Variants in GALNTL5 observed in about 807,000 individuals in gnomAD.
The protein encoded by GALNTL5 is inactive polypeptide N-acetylgalactosaminyltransferase-like protein 5.
Under a neutral mutation model 51.0 loss-of-function variants are expected in GALNTL5, and 44 were observed. That is an observed-to-expected ratio of 0.86 (90% CI 0.68 to 1.11). The LOEUF (loss-of-function observed/expected upper bound fraction) is 1.11, where lower values mean the gene tolerates loss of function less well. GALNTL5 is among the 50% of genes least tolerant of loss of function. GALNTL5 has a pLI of 0.00. For missense variants in GALNTL5, 528 were observed against 531.8 expected (o/e 0.99, Z 0.07); for synonymous variants, 192 against 182.8 (o/e 1.05, Z -0.41).
chr7:151,996,456 C>G (rs188488623), intron 5 of GALNTL5, among the ~76,000 whole-genome samples: 4 of 151,694 alleles, frequency 2.6e-5, no homozygotes, highest in Admixed American at 2.6e-4. Flanking sequence ...ACAGCAATAA[C>G]AGGCTGGGTG....
chr7:151,980,821 C>T (rs1283081208), intron 3 of GALNTL5, among the ~76,000 whole-genome samples: 1 of 134,464 alleles, frequency 7.4e-6, no homozygotes, highest in African/African-American at 3.0e-5. Context: ...TCTCGGCTCA[C>T]TGCAAGCTCC....
chr7:151,957,087 T>A lies in GALNTL5; in HGVS notation c.-40+478T>A, dbSNP rs541246129. Among the ~76,000 whole-genome samples, 7 of 146,860 alleles carry A rather than the reference T, an allele frequency of 4.8e-5. No homozygotes were observed. The East Asian group carries it at 1.4e-3, about 29-fold the overall frequency. On this transcript the variant is annotated intron_variant, in intron 1 of 8. Coordinates refer to ENST00000392800, the MANE Select transcript of GALNTL5 (RefSeq NM_145292.4). ...CTGGGAGGCTAAGGTGGCAGGACCA[T>A]GTGAGTCCAGGAGTTCAAGATCAGC...
intron 5 of GALNTL5, among the ~76,000 whole-genome samples, chr7:151,998,727 A>G (rs1042317602): frequency 6.7e-6 from 1 of 148,322 alleles, no homozygotes; most frequent in Non-Finnish European, 1.5e-5. Flanking sequence ...AGCTGAGATC[A>G]TGCTACTGCA....
chr7:152,002,638 C>T, intron 5 of GALNTL5, 76 bp from the exon 6 acceptor site: 4 of 1,486,202 alleles, frequency 2.7e-6, no homozygotes, highest in Non-Finnish European at 3.7e-6. Context: ...AAATATTCAT[C>T]ACATTGAACT....
chr7:152,013,144 T>C (rs2081761035), intron 7 of GALNTL5, among the ~76,000 whole-genome samples: 1 of 152,038 alleles, frequency 6.6e-6, no homozygotes, highest in Admixed American at 6.6e-5. Flanking sequence ...GAGCTAAACA[T>C]TGTACATGGA....
chr7:151,982,071 C>A (rs62479999), intron 3 of GALNTL5, among the ~76,000 whole-genome samples: 16,357 of 151,884 alleles, frequency 0.11, 1,054 homozygotes, highest in South Asian at 0.23. Context: ...ACTAGAATTC[C>A]AGAATTCAGC....
chr7:151,974,681 T>G (rs1195209517), intron 3 of GALNTL5, among the ~76,000 whole-genome samples: 4 of 151,716 alleles, frequency 2.6e-5, no homozygotes, highest in African/African-American at 9.7e-5. Context: ...TTCACTGAAC[T>G]GAATATTTAC....
chr7:151,958,045 T>TC (rs761380621), intron 1 of GALNTL5, among the ~76,000 whole-genome samples: 1 of 152,088 alleles, frequency 6.6e-6, no homozygotes, highest in Non-Finnish European at 1.5e-5. Flanking sequence ...TAAAGAGAAT[T>TC]CCCCCCAAGT....
chr7:151,987,616 G>C (rs929702697), intron 5 of GALNTL5, among the ~76,000 whole-genome samples: 7 of 151,516 alleles, frequency 4.6e-5, no homozygotes, highest in African/African-American at 1.5e-4. Flanking sequence ...AGCAAGACTG[G>C]GGGTGGGGTG....
Position 152,019,862 on chromosome 7 carries a change from T to C in GALNTL5, c.*61T>C. The C allele has an allele frequency of 7.1e-7, 1 of 1,405,310 alleles. No individual in the cohort carries two copies. Among genetic ancestry groups the C allele is most frequent in the Non-Finnish European group, 9.8e-7 (1 of 1,018,896 alleles). 87.1% of individuals were successfully genotyped at this position (1,405,310 alleles called of 1,614,324 possible). ...AAAGTCTCCTAGTCATTCAACATAG[T>C]GTCACAAGAGTGTAAGTTTGGAACA... is the stretch of plus-strand genomic sequence containing the variant. On this transcript the variant is annotated 3_prime_UTR_variant, in exon 9 of 9. Coordinates refer to ENST00000392800, the MANE Select transcript of GALNTL5 (RefSeq NM_145292.4).
rs757796829 is a variant in GALNTL5 at position 151,971,067 on chromosome 7, T to A, written c.368+2T>A. On this transcript the variant is annotated splice_donor_variant, in intron 3 of 8. Coordinates refer to ENST00000392800, the MANE Select transcript of GALNTL5 (RefSeq NM_145292.4). LOFTEE classifies it high-confidence loss of function. ...AGTGCCAGATACCAGGAGTAAAATG[T>A]ATGTTGTCTCTCTCTTTCTCTCATT... The A allele has an allele frequency of 3.1e-5, 49 of 1,605,338 alleles. No individual in the cohort carries two copies. The highest frequency in any genetic ancestry group is 1.7e-4 in the Middle Eastern group (1 of 6,024).
intron 7 of GALNTL5, among the ~76,000 whole-genome samples, chr7:152,009,270 C>T (rs999351468): frequency 2.0e-5 from 3 of 152,156 alleles, no homozygotes; most frequent in East Asian, 1.9e-4. Context: ...TCCAGTAAAT[C>T]GATATCCTGG....
In GALNTL5 at chr7:151,992,494, G is replaced by A. The variant is rs566010263; in HGVS notation, c.658+5213G>A. ...GCTTCTGGCCGTGGCTGCCAGTCCC[G>A]GGCTGCAGCGGCGTCACCCTCGGCT... On this transcript the variant is annotated intron_variant, in intron 5 of 8. Transcript: ENST00000392800. 7.4e-4 allele frequency among the ~76,000 whole-genome samples: 112 copies of A among 152,202 alleles called. 1 individual carries two copies. Among genetic ancestry groups the A allele is most frequent in the African/African-American group, 2.5e-3 (102 of 41,534 alleles).
intron 4 of GALNTL5, among the ~76,000 whole-genome samples, chr7:151,984,872 C>G (rs1446593291): frequency 6.6e-6 from 1 of 152,162 alleles, no homozygotes; most frequent in Non-Finnish European, 1.5e-5. Flanking sequence ...CAGGAATGAC[C>G]AGGGGACGGA....
intron 6 of GALNTL5, among the ~76,000 whole-genome samples, chr7:152,007,339 T>C (rs1256680469): frequency 6.6e-6 from 1 of 152,032 alleles, no homozygotes; most frequent in Non-Finnish European, 1.5e-5. Context: ...AGTTATTGCC[T>C]ACTTTTGTTG....
intron 3 of GALNTL5, among the ~76,000 whole-genome samples, chr7:151,980,988 G>A (rs903075510): frequency 5.9e-5 from 9 of 151,722 alleles, no homozygotes; most frequent in East Asian, 3.9e-4. Context: ...CTCGTGATCC[G>A]CCCTCCTCAG....
Position 152,007,899 on chromosome 7 carries a change from G to A in GALNTL5, c.981G>A (p.Lys327=), listed in dbSNP as rs1312168553. 6.2e-7 allele frequency: 1 copy of A among 1,611,682 alleles called. No individual in the cohort carries two copies. Among genetic ancestry groups the A allele is most frequent in the Non-Finnish European group, 8.5e-7 (1 of 1,178,566 alleles). Residue 327 remains lysine, a synonymous_variant, in exon 7 of 9, where the codon AAG becomes AAA. Transcript: ENST00000392800. ...TTAATGAAATTGGACAGTATGACAAGGATATGGATTTTTGGGGAAGAGAAA... is the reference window on the plus strand; with the variant it reads ...TTAATGAAATTGGACAGTATGACAAAGATATGGATTTTTGGGGAAGAGAAA... ...HYFNEIGQYD[K]DMDFWGRENL...
intron 5 of GALNTL5, among the ~76,000 whole-genome samples, chr7:152,000,528 T>C (rs2081561363): frequency 6.6e-6 from 1 of 152,148 alleles, no homozygotes; most frequent in South Asian, 2.1e-4. Context: ...CCACCCATCA[T>C]TCCCAACAGC....
At chr7:151,982,694 A>C (rs2081308157) in intron 3 of GALNTL5, 5 of 443,446 alleles carry the variant, frequency 1.1e-5, no homozygotes, top group Admixed American at 3.7e-5. Flanking sequence ...CATGAATATA[A>C]TTTGTGTTTA....
Sources: allele counts gnomAD v4.1 joint callset (sites outside exome capture counted in the v4.1 genomes callset), GRCh38; gene constraint gnomAD v4.1.1; transcripts MANE v1.5; gene names NCBI Gene and HGNC (gene_info 2026-07-23, HGNC 2026-07-21).